Variants in SLC25A3 observed in about 807,000 individuals in gnomAD.
SLC25A3 encodes the protein solute carrier family 25 member 3.
SLC25A3 carries 14 observed loss-of-function variants against 37.1 expected under a neutral mutation model. The ratio of observed to expected loss-of-function variants is 0.38; its 90% CI spans 0.25 to 0.59. SLC25A3 has a LOEUF of 0.59. Among genes scored for constraint, SLC25A3 ranks in the 20% least tolerant of loss-of-function variants. The probability of loss-of-function intolerance (pLI) is 0.67; values close to 1 mark genes in which losing one functional copy is unlikely to be tolerated. For synonymous variants in SLC25A3, 161 were observed against 168.7 expected, an observed-to-expected ratio of 0.95 and a Z score of 0.36; for missense variants, 385 against 458.1, an observed-to-expected ratio of 0.84 and a Z score of 1.46.
chr12:98,601,548 G>T lies in SLC25A3; in HGVS notation c.*20G>T, dbSNP rs779833257. The T allele has an allele frequency of 6.8e-7, 1 of 1,466,736 alleles. No individual in the cohort carries two copies. Among genetic ancestry groups the T allele is most frequent in the Admixed American group, 1.7e-5 (1 of 59,848 alleles). The allele number at this position is 1,466,736 out of a possible 1,614,324, so 90.9% of individuals were successfully genotyped here. A position where few individuals can be genotyped will look rare whatever the true frequency, so the allele number is the denominator to read the frequency against. On this transcript the variant is annotated 3_prime_UTR_variant, in exon 8 of 8. Transcript: ENST00000552981. ...CAGTAGTTAGATCAAAGCAAATGTG[G>T]ACTGAATCTGCTTGTTGATCAGTGT...
intron 5 of SLC25A3, 66 bp downstream of exon 5, chr12:98,598,769 GTTTTTTT>G (rs982573378): frequency 3.6e-6 from 4 of 1,097,382 alleles, no homozygotes; most frequent in Admixed American, 5.2e-5. Context: ...ATTTTTTTTT[GTTTTTTT>G]TTTTGTTTTG....
rs1025076108 is a variant in SLC25A3 at position 98,599,176 on chromosome 12, C to T, written c.641+473C>T. On this transcript the variant is annotated intron_variant, in intron 5 of 7. Transcript: ENST00000552981. ...TCCCAGGTTCAAGTGATTGTCCTGC[C>T]TCAGCCTGCTGAATAGCTGGGATTA... Among the ~76,000 whole-genome samples, 3 of 152,120 alleles carry T rather than the reference C, an allele frequency of 2.0e-5. No individual in the cohort carries two copies. The East Asian group carries it at 5.8e-4, about 29-fold the overall frequency.
chr12:98,604,336 T>C lies in SLC25A3; in HGVS notation c.*2808T>C, dbSNP rs1463695082. On this transcript the variant is annotated 3_prime_UTR_variant, in exon 8 of 8. Coordinates refer to ENST00000552981, the MANE Select transcript of SLC25A3 (RefSeq NM_002635.4). ...GATTCAGGGACAAGATAGCATTGCA[T>C]AGTAACTTCCAGTAGGATCAAATAT... is the stretch of plus-strand genomic sequence containing the variant. 3 of 150,984 alleles carry C rather than the reference T, an allele frequency of 2.0e-5. No individual in the cohort carries two copies. Among genetic ancestry groups the C allele is most frequent in the Middle Eastern group, 3.2e-3 (1 of 312 alleles). The allele number at this position is 150,984 out of a possible 1,614,324, so 9.4% of individuals were successfully genotyped here.
chr12:98,601,034 CTG>C (rs2097597442), intron 6 of SLC25A3, 135 bp from the exon 7 acceptor site: 7 of 922,002 alleles, frequency 7.6e-6, no homozygotes, highest in East Asian at 5.5e-5. Context: ...AGCTTGATAA[CTG>C]TACCCGTGTC....
Position 98,604,263 on chromosome 12 carries a change from A to ATATATATATATATATATATATATAT in SLC25A3, c.*2735_*2736insTATATATATATATATATATATATAT, listed in dbSNP as rs1555209327. 1 of 134,574 alleles carries ATATATATATATATATATATATATAT rather than the reference A, an allele frequency of 7.4e-6. No individual in the cohort carries two copies. Among genetic ancestry groups the ATATATATATATATATATATATATAT allele is most frequent in the African/African-American group, 2.9e-5 (1 of 34,886 alleles). 8.3% of individuals were successfully genotyped at this position (134,574 alleles called of 1,614,324 possible). A position where few individuals can be genotyped will look rare whatever the true frequency, so the allele number is the denominator to read the frequency against. On this transcript the variant is annotated 3_prime_UTR_variant, in exon 8 of 8. Transcript: ENST00000552981. The stretch of plus-strand genomic sequence containing the variant: ...GCGAAACTCTGTCTCAAAAAAAAAA[A>ATATATATATATATATATATATATAT]ATATATATATATATATATATATATG...
At position 98,593,996 on chromosome 12, in the gene SLC25A3, G is replaced by C; in HGVS notation, c.18G>C (p.Ala6=). The C allele has an allele frequency of 6.2e-7, 1 of 1,613,812 alleles. No individual in the cohort carries two copies. The stretch of plus-strand genomic sequence containing the variant: ...CTAGAAAGATGTTCTCGTCCGTGGC[G>C]CACCTGGCGCGGGCGAACCCCTTCA... MFSSV[A]HLARANPFNT... The change falls in exon 2 of 8, where the codon GCG becomes GCC. Residue 6 remains alanine, a synonymous_variant. Transcript: ENST00000552981.
At chr12:98,595,889 G>T in intron 3 of SLC25A3, 41 bp downstream of exon 3, 7 of 1,544,052 alleles carry the variant, frequency 4.5e-6, no homozygotes, top group South Asian at 2.2e-5. Flanking sequence ...TCTCTCATGT[G>T]ACTTAACTCT....
intron 2 of SLC25A3, 180 bp downstream of exon 2, chr12:98,594,315 C>T (rs1345733337): frequency 8.5e-6 from 6 of 708,750 alleles, no homozygotes; most frequent in East Asian, 5.4e-5. Context: ...GTGTCAGATC[C>T]TTGGCCTTCC....
chr12:98,600,401 A>ATTTTTG (rs1049787185), intron 6 of SLC25A3, among the ~76,000 whole-genome samples: 5 of 150,328 alleles, frequency 3.3e-5, no homozygotes, highest in African/African-American at 1.2e-4. Context: ...TGCCCGGCTG[A>ATTTTTG]TTTTTGTTTT....
intron 3 of SLC25A3, 34 bp from the exon 4 acceptor site, chr12:98,597,822 G>A: frequency 6.2e-7 from 1 of 1,603,226 alleles, no homozygotes; most frequent in Non-Finnish European, 8.5e-7. Flanking sequence ...GCTGTTTGGT[G>A]CATTTAATTT....
In SLC25A3 at chr12:98,595,717, C is replaced by G; in HGVS notation, c.158-10C>G. The G allele has an allele frequency of 6.2e-7, 1 of 1,614,088 alleles. No individual in the cohort carries two copies. Among genetic ancestry groups the G allele is most frequent in the Non-Finnish European group, 8.5e-7 (1 of 1,180,000 alleles). On this transcript the variant is annotated splice_polypyrimidine_tract_variant and intron_variant, in intron 2 of 7. Transcript: ENST00000552981. The stretch of plus-strand genomic sequence containing the variant: ...TATTAAAATGCATGGTGTGTCTTCT[C>G]TTACTACAGAGTACAGTTGTGAATT...
Position 98,604,263 on chromosome 12 carries a change from A to AAAAAAAAAAAAATATATAT in SLC25A3, c.*2736_*2737insAAAAAAAAAAATATATATA, listed in dbSNP as rs1302964992. The AAAAAAAAAAAAATATATAT allele has an allele frequency of 1.5e-5, 2 of 134,592 alleles. No individual in the cohort carries two copies. The highest frequency in any genetic ancestry group is 5.7e-5 in the African/African-American group (2 of 34,844). 8.3% of individuals were successfully genotyped at this position (134,592 alleles called of 1,614,324 possible). ...GCGAAACTCTGTCTCAAAAAAAAAA[A>AAAAAAAAAAAAATATATAT]ATATATATATATATATATATATATG... On this transcript the variant is annotated 3_prime_UTR_variant, in exon 8 of 8. Transcript: ENST00000552981.
Position 98,598,535 on chromosome 12 carries a change from T to C in SLC25A3, c.473T>C (p.Leu158Pro), listed in dbSNP as rs2097594950. Residue 158 changes from leucine to proline, a missense_variant, in exon 5 of 8, where the codon CTC becomes CCC. Leu to Pro is a moderately conservative substitution (Grantham distance 98). Coordinates refer to ENST00000552981, the MANE Select transcript of SLC25A3 (RefSeq NM_002635.4). Reference protein sequence around the residue: ...SNMLGEENTYLWRTSLYLAAS... With the variant: ...SNMLGEENTYPWRTSLYLAAS... Reference sequence around the variant, plus strand: ...TTTGGATTTTAGGAGAATACTTATCTCTGGCGCACATCACTATATTTGGCT... The same window carrying C: ...TTTGGATTTTAGGAGAATACTTATCCCTGGCGCACATCACTATATTTGGCT... 2.5e-6 allele frequency: 4 copies of C among 1,612,640 alleles called. No individual in the cohort carries two copies. The African/African-American group carries it at 4.0e-5, about 16-fold the overall frequency.
intron 2 of SLC25A3, chr12:98,594,519 C>T: frequency 3.3e-6 from 2 of 598,966 alleles, no homozygotes; most frequent in Non-Finnish European, 6.0e-6. Flanking sequence ...CTTTGATTTG[C>T]CCTTAGTTTT....
rs1555209327 is a variant in SLC25A3 at position 98,604,263 on chromosome 12, A to ATATATATATATATATATATAT, written c.*2735_*2736insTATATATATATATATATATAT. Reference sequence around the variant, plus strand: ...GCGAAACTCTGTCTCAAAAAAAAAAAATATATATATATATATATATATATG... The same window carrying ATATATATATATATATATATAT: ...GCGAAACTCTGTCTCAAAAAAAAAAATATATATATATATATATATATATATATATATATATATATATATATG... On this transcript the variant is annotated 3_prime_UTR_variant, in exon 8 of 8. Coordinates refer to ENST00000552981, the MANE Select transcript of SLC25A3 (RefSeq NM_002635.4). The ATATATATATATATATATATAT allele has an allele frequency of 3.0e-5, 4 of 134,592 alleles. No individual in the cohort carries two copies. The highest frequency in any genetic ancestry group is 1.1e-4 in the African/African-American group (4 of 34,844). 8.3% of individuals were successfully genotyped at this position (134,592 alleles called of 1,614,324 possible).
chr12:98,594,912 C>A, intron 2 of SLC25A3: 1 of 184,382 alleles, frequency 5.4e-6, no homozygotes, highest in South Asian at 9.9e-5. Context: ...GGATAGAGTC[C>A]TTATTTACAC....
chr12:98,599,721 C>G (rs752474718), intron 5 of SLC25A3: 13 of 684,158 alleles, frequency 1.9e-5, no homozygotes, highest in South Asian at 1.8e-4. Context: ...TTCCAGTAGT[C>G]AAAGAAACAT....
intron 2 of SLC25A3, 149 bp from the exon 3 acceptor site, chr12:98,595,578 T>C (rs1431578005): frequency 1.9e-6 from 3 of 1,613,866 alleles, no homozygotes; most frequent in Non-Finnish European, 2.5e-6. Flanking sequence ...CATGCTGGAC[T>C]AGAGCATATT....
chr12:98,597,028 A>G (rs1175329425), intron 3 of SLC25A3, among the ~76,000 whole-genome samples: 1 of 152,180 alleles, frequency 6.6e-6, no homozygotes, highest in Non-Finnish European at 1.5e-5. Context: ...ACAAACAAAC[A>G]AAAAACACAA....
Sources: gnomAD v4.1 joint callset for allele counts (sites outside exome capture counted in the v4.1 genomes callset) on GRCh38, gnomAD v4.1.1 for gene constraint, MANE v1.5 for transcripts, NCBI Gene and HGNC (gene_info 2026-07-23, HGNC 2026-07-21) for gene names.